The following GFOD1 variants were observed in gnomAD, a reference collection of about 807,000 sequenced individuals.
GFOD1 encodes glucose-fructose oxidoreductase domain-containing protein 1.
Under a neutral mutation model 25.4 loss-of-function variants are expected in GFOD1, and 9 were observed. That is an observed-to-expected ratio of 0.35 (90% CI 0.21 to 0.62). The LOEUF (loss-of-function observed/expected upper bound fraction) is 0.62, where lower values mean the gene tolerates loss of function less well. GFOD1 is among the 20% of genes least tolerant of loss of function. GFOD1 has a pLI of 0.72. For synonymous variants in GFOD1, 253 were observed against 245.6 expected, an observed-to-expected ratio of 1.03 and a Z score of -0.28; for missense variants, 403 against 556.9, an observed-to-expected ratio of 0.72 and a Z score of 2.78.
intron 1 of GFOD1, among the ~76,000 whole-genome samples, chr6:13,466,232 T>C (rs1187131043): frequency 1.3e-5 from 2 of 152,208 alleles, no homozygotes; most frequent in African/African-American, 2.4e-5. Context: ...CTTCTCTTTA[T>C]TGCCATATGG....
At chr6:13,369,332 T>C (rs1434914020) in intron 1 of GFOD1, among the ~76,000 whole-genome samples, 2 of 152,354 alleles carry the variant, frequency 1.3e-5, no homozygotes, top group Middle Eastern at 3.4e-3. Flanking sequence ...TAATCCAATA[T>C]GCAAGCATGG....
intron 1 of GFOD1, among the ~76,000 whole-genome samples, chr6:13,367,392 T>C (rs1292041538): frequency 6.6e-6 from 1 of 152,218 alleles, no homozygotes; most frequent in Non-Finnish European, 1.5e-5. Flanking sequence ...ACAGATGTGT[T>C]CGTTTAACGT....
In GFOD1 at chr6:13,487,087, G is replaced by C. The variant is rs922568634; in HGVS notation, c.-197C>G. 3 of 614,998 alleles carry C rather than the reference G, an allele frequency of 4.9e-6. No homozygotes were observed. Among genetic ancestry groups the C allele is most frequent in the African/African-American group, 3.8e-5 (2 of 52,890 alleles). The allele number at this position is 614,998 out of a possible 1,614,324, so 38.1% of individuals were successfully genotyped here. A position where few individuals can be genotyped will look rare whatever the true frequency, so the allele number is the denominator to read the frequency against. The stretch of plus-strand genomic sequence containing the variant: ...GGCGGAGCAAGCTCGGGGCGCCTCA[G>C]AACGGTGACTGCGGCAGTGTCCGCC... On this transcript the variant is annotated 5_prime_UTR_variant, in exon 1 of 2. Transcript: ENST00000379287. The surrounding 1 kb of genome is among the most constrained non-coding windows in gnomAD (Gnocchi z 4.9).
At chr6:13,445,977 C>T (rs1466329761) in intron 1 of GFOD1, among the ~76,000 whole-genome samples, 1 of 152,110 alleles carries the variant, frequency 6.6e-6, no homozygotes, top group East Asian at 1.9e-4. Flanking sequence ...TGCTGGGTGG[C>T]AGGAGGAAGG....
chr6:13,472,673 A>G (rs1224513517), intron 1 of GFOD1, among the ~76,000 whole-genome samples: 1 of 152,228 alleles, frequency 6.6e-6, no homozygotes, highest in Admixed American at 6.5e-5. Flanking sequence ...GTCTGATGGG[A>G]CAGCCTCTTC....
At chr6:13,432,299 G>A (rs528226012) in intron 1 of GFOD1, among the ~76,000 whole-genome samples, 35 of 149,626 alleles carry the variant, frequency 2.3e-4, no homozygotes, top group Admixed American at 2.0e-3. Context: ...CTGCAGCCTC[G>A]ACCTCTTGGG....
Position 13,440,934 on chromosome 6 carries a change from C to T in GFOD1, c.253+45704G>A, listed in dbSNP as rs1757904666. ...TCCTCCCCACAGACAGAAGGAACTG[C>T]TGCAATCAGCTGTGTATTCAGATGG... On this transcript the variant is annotated intron_variant, in intron 1 of 1. Coordinates refer to ENST00000379287, the MANE Select transcript of GFOD1 (RefSeq NM_018988.4). 2.0e-5 allele frequency among the ~76,000 whole-genome samples: 3 copies of T among 152,140 alleles called. No individual in the cohort carries two copies. In the South Asian group the frequency reaches 6.2e-4, roughly 31 times the overall value.
intron 1 of GFOD1, among the ~76,000 whole-genome samples, chr6:13,373,261 G>T (rs745962781): frequency 4.6e-5 from 7 of 152,248 alleles, no homozygotes; most frequent in Admixed American, 1.3e-4. Context: ...AGAAAGTTTT[G>T]CTGGAGAGGG....
chr6:13,387,721 CCT>C (rs1785505269), intron 1 of GFOD1, among the ~76,000 whole-genome samples: 2 of 152,142 alleles, frequency 1.3e-5, no homozygotes, highest in African/African-American at 4.8e-5. Flanking sequence ...ACAAGGATGC[CCT>C]CTCTCACCAC....
At chr6:13,378,311 G>C (rs1033144200) in intron 1 of GFOD1, among the ~76,000 whole-genome samples, 7 of 152,202 alleles carry the variant, frequency 4.6e-5, no homozygotes, top group Non-Finnish European at 8.8e-5. Flanking sequence ...CTACCAGATG[G>C]GTTAATAAAG....
intron 1 of GFOD1, among the ~76,000 whole-genome samples, chr6:13,368,064 C>T (rs909520261): frequency 4.6e-5 from 7 of 152,180 alleles, no homozygotes; most frequent in African/African-American, 1.7e-4. Flanking sequence ...TTGTAGAAGT[C>T]GTGAGATTGC....
At chr6:13,458,845 T>C (rs528466344) in intron 1 of GFOD1, among the ~76,000 whole-genome samples, 1 of 137,636 alleles carries the variant, frequency 7.3e-6, no homozygotes, top group African/African-American at 2.6e-5. Flanking sequence ...GATGATGGAA[T>C]AGTGAGAAGA....
intron 1 of GFOD1, chr6:13,407,835 A>T (rs536726303): frequency 7.1e-6 from 3 of 425,252 alleles, no homozygotes; most frequent in Non-Finnish European, 9.5e-6. Flanking sequence ...GCAAACACAA[A>T]CCCTTTGTTT....
intron 1 of GFOD1, among the ~76,000 whole-genome samples, chr6:13,371,878 T>C (rs1318526473): frequency 1.3e-5 from 2 of 152,126 alleles, no homozygotes; most frequent in Non-Finnish European, 2.9e-5. Flanking sequence ...CAGAAATGGC[T>C]GTCTTGGAGG....
chr6:13,408,761 T>C (rs1002082598), intron 1 of GFOD1, among the ~76,000 whole-genome samples: 1 of 152,154 alleles, frequency 6.6e-6, no homozygotes, highest in Non-Finnish European at 1.5e-5. Context: ...ATTACTCCAT[T>C]GTTTTTAGAA....
chr6:13,465,313 T>C (rs1758360558), intron 1 of GFOD1, among the ~76,000 whole-genome samples: 2 of 152,142 alleles, frequency 1.3e-5, no homozygotes, highest in Non-Finnish European at 2.9e-5. Context: ...GCCACATGCA[T>C]CCCACAGGCA....
chr6:13,439,128 C>A (rs775377666), intron 1 of GFOD1, among the ~76,000 whole-genome samples: 1 of 152,176 alleles, frequency 6.6e-6, no homozygotes, highest in East Asian at 1.9e-4. Flanking sequence ...ATTCCCCAAA[C>A]CTTCCTCACA....
rs201175452 is a variant in GFOD1, at chr6:13,409,252, AAG to A, written c.254-43592_254-43591del. Among the ~76,000 whole-genome samples, 708 of 122,532 alleles carry A rather than the reference AAG, an allele frequency of 5.8e-3. 34 individuals are homozygous for A. Among genetic ancestry groups the A allele is most frequent in the African/African-American group, 0.018 (673 of 37,588 alleles). The allele number at this position is 122,532 out of a possible 152,430, so 80.4% of individuals were successfully genotyped here. ...AAGGAAGGAAGGAGAGAAAGAGAGA[AAG>A]AGAGAGAGAGAGGGAAAGATAGAGA... On this transcript the variant is annotated intron_variant, in intron 1 of 1. Transcript: ENST00000379287.
intron 1 of GFOD1, among the ~76,000 whole-genome samples, chr6:13,471,189 C>T (rs1758495679): frequency 6.6e-6 from 1 of 152,188 alleles, no homozygotes; most frequent in South Asian, 2.1e-4. Context: ...CCCAGGTCCT[C>T]AGGAGCTAGC....
Sources: gnomAD v4.1 joint callset for allele counts (sites outside exome capture counted in the v4.1 genomes callset) on GRCh38, gnomAD v4.1.1 for gene constraint, Gnocchi (gnomAD v3.1) non-coding constraint, MANE v1.5 for transcripts, NCBI Gene and HGNC (gene_info 2026-07-23, HGNC 2026-07-21) for gene names.